Variants in KRT8 observed in about 807,000 individuals in gnomAD.
KRT8 encodes keratin 8.
A neutral mutation model predicts 43.0 loss-of-function variants in KRT8; 24 were observed. That is an observed-to-expected ratio of 0.56 (90% CI 0.40 to 0.78). The LOEUF (loss-of-function observed/expected upper bound fraction) is 0.78, where lower values mean the gene tolerates loss of function less well. Among genes scored for constraint, KRT8 ranks in the 30% least tolerant of loss-of-function variants. KRT8 has a pLI of 0.00. For missense variants in KRT8, 492 were observed against 638.4 expected, an observed-to-expected ratio of 0.77 and a Z score of 2.47; for synonymous variants, 214 against 261.2, an observed-to-expected ratio of 0.82 and a Z score of 1.74.
chr12:52,942,511 T>C (rs1942283322), intron 2 of KRT8, among the ~76,000 whole-genome samples: 1 of 152,082 alleles, frequency 6.6e-6, no homozygotes, highest in Non-Finnish European at 1.5e-5. Flanking sequence ...TCTCTCACCT[T>C]CCCCATCTCA....
chr12:52,899,183 C>T (rs1259236497), intron 5 of KRT8, among the ~76,000 whole-genome samples: 2 of 152,154 alleles, frequency 1.3e-5, no homozygotes, highest in South Asian at 2.1e-4. Flanking sequence ...AGCCTGGTGG[C>T]GGGCGCCTGT....
At chr12:52,907,007 CACACA>C, upstream of KRT8, 1 of 289,666 alleles carries the variant, frequency 3.5e-6, no homozygotes, top group Non-Finnish European at 6.9e-6. Context: ...CACACACACA[CACACA>C]CCCCACACAT....
In KRT8 at chr12:52,897,720, G is replaced by C. The variant is rs944738320; in HGVS notation, c.1262-102C>G. The C allele has an allele frequency of 8.6e-6, 13 of 1,515,040 alleles. No homozygotes were observed. In the Admixed American group the frequency reaches 2.2e-4, roughly 26 times the overall value. 93.8% of individuals were successfully genotyped at this position (1,515,040 alleles called of 1,614,324 possible). A position where few individuals can be genotyped will look rare whatever the true frequency, so the allele number is the denominator to read the frequency against. ...ATTCCCAACATAGCCCCAGGGATGG[G>C]AGGTTAACCCAGCTCTGCCTGATCA... On this transcript the variant is annotated intron_variant, in intron 7 of 7. Coordinates refer to ENST00000692008, the Ensembl canonical transcript of KRT8.
At chr12:52,901,300 G>A in intron 2 of KRT8, 81 bp from the exon 3 acceptor site, 2 of 955,752 alleles carry the variant, frequency 2.1e-6, no homozygotes, top group African/African-American at 1.6e-5. Flanking sequence ...GGGGCGTTGT[G>A]AAAATCAGGA....
At chr12:52,918,202 GAAC>G (rs879539137) in intron 2 of KRT8, among the ~76,000 whole-genome samples, 4,163 of 118,246 alleles carry the variant, frequency 0.035, 817 homozygotes, top group East Asian at 0.049. Flanking sequence ...AGAAGAAGAA[GAAC>G]AAGAAGAAGA....
chr12:52,898,091 G>A (rs1258636888), intron 7 of KRT8, among the ~76,000 whole-genome samples: 1 of 152,216 alleles, frequency 6.6e-6, no homozygotes, highest in African/African-American at 2.4e-5. Context: ...CTTGAACCCA[G>A]GAGGTGGAGG....
At chr12:52,935,337 C>T (rs536003725) in intron 2 of KRT8, among the ~76,000 whole-genome samples, 2 of 128,348 alleles carry the variant, frequency 1.6e-5, no homozygotes, top group Non-Finnish European at 3.1e-5. Context: ...CGAGATCGTG[C>T]CATTGCACTC....
At chr12:52,934,507 C>T (rs1942134884) in intron 2 of KRT8, among the ~76,000 whole-genome samples, 1 of 152,086 alleles carries the variant, frequency 6.6e-6, no homozygotes, top group Admixed American at 6.6e-5. Flanking sequence ...TTGGAGTGAG[C>T]TGAGATCAAG....
rs71092794 is a variant in KRT8 at position 52,935,378 on chromosome 12, CAAAAAAAAAAAAAAA to C, written c.-47+14063_-47+14077del. On this transcript the variant is annotated intron_variant, in intron 2 of 6. Transcript: ENST00000546826. The stretch of plus-strand genomic sequence containing the variant: ...TGGGTGACAGAGCAAGACTCTGTCT[CAAAAAAAAAAAAAAA>C]AAAAAAAAAAAAAAAAAGGCCGGGC... 2.1e-3 allele frequency among the ~76,000 whole-genome samples: 51 copies of C among 23,752 alleles called. 1 individual carries two copies. Among genetic ancestry groups the C allele is most frequent in the African/African-American group, 9.3e-3 (48 of 5,156 alleles). The allele number at this position is 23,752 out of a possible 152,430, so 15.6% of individuals were successfully genotyped here.
chr12:52,918,257 A>AAGAAGAAGAAGAAGAAGAAGAAG (rs1592174901), intron 2 of KRT8, among the ~76,000 whole-genome samples: 3 of 151,432 alleles, frequency 2.0e-5, no homozygotes, highest in Admixed American at 1.3e-4. Flanking sequence ...GAAGAAGAAG[A>AAGAAGAAGAAGAAGAAGAAGAAG]AACAAAACAG....
At chr12:52,925,579 T>C (rs1187318991) in intron 2 of KRT8, among the ~76,000 whole-genome samples, 1 of 152,054 alleles carries the variant, frequency 6.6e-6, no homozygotes, top group Non-Finnish European at 1.5e-5. Context: ...GCAAAAGGGA[T>C]CTCTTTGGCG....
chr12:52,909,306 A>G (rs551612868), upstream of KRT8, among the ~76,000 whole-genome samples: 1 of 152,352 alleles, frequency 6.6e-6, no homozygotes, highest in East Asian at 1.9e-4. Context: ...CCCGAAAAGC[A>G]CCCGAAATCC....
intron 2 of KRT8, among the ~76,000 whole-genome samples, chr12:52,929,799 T>C (rs1942055358): frequency 6.6e-6 from 1 of 152,166 alleles, no homozygotes; most frequent in Non-Finnish European, 1.5e-5. Flanking sequence ...CCTCCACCTC[T>C]TCAGGCCAAT....
exon 2 of KRT8, chr12:52,902,041 A>C: frequency 6.2e-7 from 1 of 1,603,056 alleles, no homozygotes; most frequent in Non-Finnish European, 8.5e-7. Context: ...CTTGGTCTCC[A>C]GCATCTTGTT....
chr12:52,898,411 C>G, intron 7 of KRT8, 50 bp downstream of exon 7: 1 of 1,544,726 alleles, frequency 6.5e-7, no homozygotes, highest in Middle Eastern at 1.7e-4. Context: ...GAGCTGAGGC[C>G]TCCCTGGGCC....
intron 2 of KRT8, among the ~76,000 whole-genome samples, chr12:52,937,822 C>A (rs1159882032): frequency 2.0e-5 from 3 of 151,142 alleles, no homozygotes; most frequent in Non-Finnish European, 2.9e-5. Flanking sequence ...CATGGTGAAA[C>A]CCTGTCTCTA....
At chr12:52,938,136 C>CTATACATATATATATATATATATATATA (rs1555189938) in intron 2 of KRT8, among the ~76,000 whole-genome samples, 1 of 44,052 alleles carries the variant, frequency 2.3e-5, no homozygotes, top group African/African-American at 8.2e-5. Context: ...CACTAGAAAG[C>CTATACATATATATATATATATATATATA]TATATATATA....
chr12:52,942,208 C>T (rs578124713), intron 2 of KRT8, among the ~76,000 whole-genome samples: 5 of 152,268 alleles, frequency 3.3e-5, no homozygotes, highest in African/African-American at 9.6e-5. Flanking sequence ...TTAACAAGCA[C>T]CTGCTCCGCC....
intron 2 of KRT8, among the ~76,000 whole-genome samples, chr12:52,927,308 G>A (rs755580808): frequency 4.6e-5 from 7 of 152,208 alleles, no homozygotes; most frequent in Admixed American, 1.3e-4. Context: ...GGAGCAGCAG[G>A]ACAAGCCAGA....
Sources: gnomAD v4.1 joint callset for allele counts (sites outside exome capture counted in the v4.1 genomes callset) on GRCh38, gnomAD v4.1.1 for gene constraint, MANE v1.5 for transcripts, NCBI Gene and HGNC (gene_info 2026-07-23, HGNC 2026-07-21) for gene names.